Variants in MAPK4 observed in about 807,000 individuals in gnomAD.
MAPK4 encodes mitogen-activated protein kinase 4, also known as Erk3-related.
In MAPK4, 22 loss-of-function variants were observed where a neutral mutation model predicts 47.7. That is an observed-to-expected ratio of 0.46 (90% confidence interval 0.33 to 0.66). The LOEUF (loss-of-function observed/expected upper bound fraction) is 0.66. Among genes scored for constraint, MAPK4 ranks in the 30% least tolerant of loss-of-function variants. MAPK4 has a pLI of 0.02. For synonymous variants in MAPK4, 390 were observed against 365.7 expected (o/e 1.07, Z -0.76); for missense variants, 736 against 831.7 (o/e 0.88, Z 1.42).
In MAPK4 at chr18:50,664,502, A is replaced by G. The variant is rs759161909; in HGVS notation, c.544A>G (p.Lys182Glu). ...ARIVDQHYSH[K>E]GYLSEGLVTK... Reference sequence around the variant, plus strand: ...GATCGTTGATCAGCATTACTCCCACAAGGTATGTCTGGCTGGAATGGCGGA... The same window carrying G: ...GATCGTTGATCAGCATTACTCCCACGAGGTATGTCTGGCTGGAATGGCGGA... Residue 182 changes from lysine (K) to glutamate (E), a missense_variant and splice_region_variant, in exon 2 of 6, where the codon AAG becomes GAG. By Grantham distance (56) the Lys-to-Glu change is moderately conservative. Around this residue, in one of 3 missense-constraint regions of MAPK4, gnomAD observed 327 missense variants for 395.4 expected, o/e 0.83. Transcript: ENST00000400384. This position sits in a 1 kb window ranked among gnomAD's most constrained non-coding sequence, Gnocchi z 6.0. 1.9e-6 allele frequency: 3 copies of G among 1,581,614 alleles called. No homozygotes were observed. The highest frequency in any genetic ancestry group is 3.4e-5 in the Admixed American group (2 of 58,096).
chr18:50,578,820 C>T (rs560223625), intron 1 of MAPK4, among the ~76,000 whole-genome samples: 1 of 152,258 alleles, frequency 6.6e-6, no homozygotes, highest in African/African-American at 2.4e-5. Flanking sequence ...CTGGGGCTTT[C>T]AGGGGACAAA....
intron 1 of MAPK4, among the ~76,000 whole-genome samples, chr18:50,579,577 G>C (rs1468933955): frequency 6.6e-6 from 1 of 152,122 alleles, no homozygotes; most frequent in Non-Finnish European, 1.5e-5. Context: ...CTAGCTGGGA[G>C]TCACGCTTTT....
At chr18:50,611,606 G>T (rs1568044704) in intron 1 of MAPK4, among the ~76,000 whole-genome samples, 1 of 152,216 alleles carries the variant, frequency 6.6e-6, no homozygotes, top group Non-Finnish European at 1.5e-5. Context: ...TGGGAGAGCT[G>T]CCCATCTCTC....
intron 2 of MAPK4, among the ~76,000 whole-genome samples, chr18:50,713,509 C>T (rs770908930): frequency 6.6e-6 from 1 of 152,198 alleles, no homozygotes; most frequent in Non-Finnish European, 1.5e-5. Flanking sequence ...ATTCATTCAA[C>T]AGTTCAGCAG....
intron 2 of MAPK4, among the ~76,000 whole-genome samples, chr18:50,668,856 C>T (rs893252189): frequency 2.0e-5 from 3 of 152,244 alleles, no homozygotes; most frequent in Admixed American, 1.3e-4. Flanking sequence ...GTTTTGACTC[C>T]ATGTCCACTG....
chr18:50,717,237 G>A (rs1024324992), intron 3 of MAPK4, among the ~76,000 whole-genome samples: 10 of 152,196 alleles, frequency 6.6e-5, no homozygotes, highest in African/African-American at 2.2e-4. Flanking sequence ...CAGGGGAGGA[G>A]AGATCTGAAG....
intron 3 of MAPK4, among the ~76,000 whole-genome samples, chr18:50,717,955 G>A (rs1910729138): frequency 6.6e-6 from 1 of 152,252 alleles, no homozygotes; most frequent in African/African-American, 2.4e-5. Context: ...AGGGATTGCT[G>A]TGGGACAAAG....
chr18:50,721,689 G>A (rs1910942446), intron 3 of MAPK4, among the ~76,000 whole-genome samples: 1 of 152,148 alleles, frequency 6.6e-6, no homozygotes, highest in Non-Finnish European at 1.5e-5. Flanking sequence ...GAATGCTAGG[G>A]GAATAGATGG....
intron 1 of MAPK4, among the ~76,000 whole-genome samples, chr18:50,607,273 C>G (rs2149375387): frequency 6.6e-6 from 1 of 152,170 alleles, no homozygotes; most frequent in South Asian, 2.1e-4. Context: ...CCCATTTTTG[C>G]AGAAAAAGAA....
At chr18:50,710,357 C>G (rs949403164) in intron 2 of MAPK4, among the ~76,000 whole-genome samples, 1 of 151,890 alleles carries the variant, frequency 6.6e-6, no homozygotes, top group African/African-American at 2.4e-5. Flanking sequence ...GTGGCGTGTG[C>G]CTGTAGTCTC....
At chr18:50,681,072 C>T (rs1908558891) in intron 2 of MAPK4, among the ~76,000 whole-genome samples, 1 of 151,912 alleles carries the variant, frequency 6.6e-6, no homozygotes, top group South Asian at 2.1e-4. Context: ...TCCTCACCAA[C>T]ACTTTTTTTT....
At chr18:50,559,796 T>C (rs2042134862), upstream of MAPK4, among the ~76,000 whole-genome samples, 1 of 151,350 alleles carries the variant, frequency 6.6e-6, no homozygotes, top group Non-Finnish European at 1.5e-5. Context: ...CTCTACCGCG[T>C]GTGCCCCGGG....
Position 50,730,172 on chromosome 18 carries a change from C to G in MAPK4, c.*318C>G, listed in dbSNP as rs919216061. ...GGGCCCCACCTGGGTGGCAGGATGC[C>G]GAGAAATCTTGCAGAGGTAGCTCCG... On this transcript the variant is annotated 3_prime_UTR_variant, in exon 6 of 6. Coordinates refer to ENST00000400384, the MANE Select transcript of MAPK4 (RefSeq NM_002747.4). 2.6e-5 allele frequency: 6 copies of G among 234,668 alleles called. No homozygotes were observed. Among genetic ancestry groups the G allele is most frequent in the Non-Finnish European group, 5.0e-5 (6 of 121,178 alleles). The allele number at this position is 234,668 out of a possible 1,614,324, so 14.5% of individuals were successfully genotyped here. A position where few individuals can be genotyped will look rare whatever the true frequency, so the allele number is the denominator to read the frequency against.
intron 1 of MAPK4, among the ~76,000 whole-genome samples, chr18:50,569,316 G>T (rs866132768): frequency 2.0e-5 from 3 of 152,242 alleles, no homozygotes; most frequent in African/African-American, 4.8e-5. Context: ...AAATCATAGT[G>T]CTTCATATAA....
At chr18:50,605,787 T>A (rs1335014782) in intron 1 of MAPK4, among the ~76,000 whole-genome samples, 1 of 152,160 alleles carries the variant, frequency 6.6e-6, no homozygotes, top group East Asian at 1.9e-4. Context: ...TCCATACAGC[T>A]CACCTGGTTG....
intron 1 of MAPK4, among the ~76,000 whole-genome samples, chr18:50,603,470 T>A (rs1049044673): frequency 2.6e-5 from 4 of 152,090 alleles, no homozygotes; most frequent in Non-Finnish European, 4.4e-5. Flanking sequence ...CTCCTATGTC[T>A]ACACACACAC....
intron 1 of MAPK4, among the ~76,000 whole-genome samples, chr18:50,623,750 T>C (rs1305973801): frequency 6.6e-6 from 1 of 152,254 alleles, no homozygotes; most frequent in Admixed American, 6.5e-5. Flanking sequence ...CACTTTGCTG[T>C]TTCCCAGTGC....
At position 50,729,283 on chromosome 18, in the gene MAPK4, G is replaced by T. The variant is rs752580397; in HGVS notation, c.1193G>T (p.Arg398Leu). The T allele has an allele frequency of 1.4e-5, 23 of 1,608,946 alleles. No individual in the cohort carries two copies. The East Asian group carries it at 5.1e-4, about 36-fold the overall frequency. Residue 398 changes from arginine to leucine, a missense_variant, in exon 6 of 6, where the codon CGC becomes CTC. Arg to Leu is a moderately radical substitution (Grantham distance 102). This residue lies in a region of MAPK4 where 377 missense variants were observed against 378.6 expected (regional missense o/e 1.00). Coordinates refer to ENST00000400384, the MANE Select transcript of MAPK4 (RefSeq NM_002747.4). ...GCTGAGGACGTGCAGGTGGACCCGC[G>T]CAAGGACTCGCACAGCAGCTCCGAG... ...PLAEDVQVDP[R>L]KDSHSSSERF...
intron 1 of MAPK4, among the ~76,000 whole-genome samples, chr18:50,642,853 C>T (rs114388471): frequency 6.6e-6 from 1 of 152,230 alleles, no homozygotes; most frequent in African/African-American, 2.4e-5. Context: ...AATCCGCCCA[C>T]CTTGGCCTCC....
Sources: allele counts gnomAD v4.1 joint callset (sites outside exome capture counted in the v4.1 genomes callset), GRCh38; gene constraint gnomAD v4.1.1; regional missense constraint gnomAD v4.1.1; non-coding constraint Gnocchi (gnomAD v3.1); transcripts MANE v1.5; gene names NCBI Gene and HGNC (gene_info 2026-07-23, HGNC 2026-07-21).